SNAP25: variants seen among roughly 807,000 people sequenced by gnomAD.
SNAP25 encodes synaptosome associated protein 25.
A neutral mutation model predicts 28.7 loss-of-function variants in SNAP25; 3 were observed. That is an observed-to-expected ratio of 0.10 (90% CI 0.05 to 0.27). The LOEUF is 0.27. SNAP25 is among the 10% of genes least tolerant of loss of function. The probability of loss-of-function intolerance (pLI) is 1.00; values close to 1 mark genes in which losing one functional copy is unlikely to be tolerated. For synonymous variants in SNAP25, 61 were observed against 88.1 expected, an observed-to-expected ratio of 0.69 and a Z score of 1.72; for missense variants, 117 against 278.7, an observed-to-expected ratio of 0.42 and a Z score of 4.13.
chr20:10,264,595 G>A (rs2077910825), intron 1 of SNAP25, among the ~76,000 whole-genome samples: 1 of 152,216 alleles, frequency 6.6e-6, no homozygotes, highest in South Asian at 2.1e-4. Context: ...CACCACCTCA[G>A]ATCAAGATGG....
chr20:10,234,877 AATAAAATAAC>A (rs1288602139), intron 1 of SNAP25, among the ~76,000 whole-genome samples: 1 of 152,178 alleles, frequency 6.6e-6, no homozygotes, highest in Non-Finnish European at 1.5e-5. Context: ...TAATGTGTAA[AATAAAATAAC>A]ATAAAATAAA....
At chr20:10,290,581 C>T (rs2063974847) in intron 4 of SNAP25, among the ~76,000 whole-genome samples, 1 of 151,940 alleles carries the variant, frequency 6.6e-6, no homozygotes, top group African/African-American at 2.4e-5. Context: ...ATATATGTTA[C>T]CTCCTAATCT....
rs561465667 is a variant in SNAP25 at position 10,254,129 on chromosome 20, C to T, written c.-63-21300C>T. ...TTTGTTCCCTTTTACCAGCCCATTG[C>T]ATAGCTTCTGCATGTTTTGCTGCTA... On this transcript the variant is annotated intron_variant, in intron 1 of 7. Coordinates refer to ENST00000254976, the MANE Select transcript of SNAP25 (RefSeq NM_130811.4). 2.6e-5 allele frequency among the ~76,000 whole-genome samples: 4 copies of T among 152,362 alleles called. No homozygotes were observed. The South Asian group carries it at 8.3e-4, about 32-fold the overall frequency.
intron 1 of SNAP25, among the ~76,000 whole-genome samples, chr20:10,260,688 T>TACACACACACACACAC (rs36220354): frequency 6.7e-6 from 1 of 148,484 alleles, no homozygotes; most frequent in African/African-American, 2.5e-5. Context: ...TTAGACTCAC[T>TACACACACACACACAC]ACACACACAC....
At chr20:10,245,545 G>A (rs1371245510) in intron 1 of SNAP25, among the ~76,000 whole-genome samples, 1 of 152,188 alleles carries the variant, frequency 6.6e-6, no homozygotes, top group East Asian at 1.9e-4. Flanking sequence ...AAACTGGGGG[G>A]TCTAAAAAAA....
At chr20:10,274,945 C>T (rs2063662463) in intron 1 of SNAP25, among the ~76,000 whole-genome samples, 1 of 152,050 alleles carries the variant, frequency 6.6e-6, no homozygotes. Flanking sequence ...GGAGTAATGG[C>T]TATGTTCATT....
chr20:10,300,497 G>T (rs759893216), intron 7 of SNAP25, among the ~76,000 whole-genome samples: 5 of 152,118 alleles, frequency 3.3e-5, no homozygotes, highest in Admixed American at 6.5e-5. Context: ...GAAGTTCTTT[G>T]TCTGATATCC....
intron 1 of SNAP25, among the ~76,000 whole-genome samples, chr20:10,249,885 CT>C: frequency 6.6e-6 from 1 of 152,196 alleles, no homozygotes; most frequent in East Asian, 1.9e-4. Context: ...AGTGTTAGAC[CT>C]AAAGGTCTAC....
chr20:10,225,850 G>T (rs568296115), intron 1 of SNAP25, among the ~76,000 whole-genome samples: 2 of 151,170 alleles, frequency 1.3e-5, no homozygotes, highest in East Asian at 3.9e-4. Flanking sequence ...CTGTAACCTT[G>T]AATCAGTGGT....
intron 1 of SNAP25, among the ~76,000 whole-genome samples, chr20:10,264,821 A>T (rs998435720): frequency 6.6e-6 from 1 of 151,554 alleles, no homozygotes; most frequent in Non-Finnish European, 1.5e-5. Context: ...TGCTAGCCCG[A>T]CCTCCACAGA....
Position 10,302,513 on chromosome 20 carries a change from G to T in SNAP25, c.552+3101G>T, listed in dbSNP as rs538363574. On this transcript the variant is annotated intron_variant, in intron 7 of 7. Coordinates refer to ENST00000254976, the MANE Select transcript of SNAP25 (RefSeq NM_130811.4). ...TTCTAAAAGTCACCTGGCATGGTCTGAAGTTGAAGAGATTCCCGGAGCGTT... is the reference window on the plus strand; with the variant it reads ...TTCTAAAAGTCACCTGGCATGGTCTTAAGTTGAAGAGATTCCCGGAGCGTT... Among the ~76,000 whole-genome samples the T allele has an allele frequency of 2.6e-5, 4 of 152,312 alleles. No homozygotes were observed. In the East Asian group the frequency reaches 7.7e-4, roughly 29 times the overall value.
intron 1 of SNAP25, among the ~76,000 whole-genome samples, chr20:10,268,521 T>G (rs1444271174): frequency 6.6e-6 from 1 of 152,194 alleles, no homozygotes; most frequent in Non-Finnish European, 1.5e-5. Context: ...TAATGACCCA[T>G]GTCCCCAGCA....
chr20:10,255,645 AGGCAAAT>A (rs1333070398), intron 1 of SNAP25, among the ~76,000 whole-genome samples: 2 of 152,240 alleles, frequency 1.3e-5, no homozygotes, highest in African/African-American at 4.8e-5. Context: ...AAATATTAGT[AGGCAAAT>A]CTACCTTTTC....
intron 1 of SNAP25, among the ~76,000 whole-genome samples, chr20:10,227,315 A>G (rs956604639): frequency 2.0e-5 from 3 of 152,078 alleles, no homozygotes; most frequent in Non-Finnish European, 4.4e-5. Context: ...AGCAAGGGTA[A>G]TATCTTAGCT....
chr20:10,293,149 G>A lies in SNAP25; in HGVS notation c.164-12G>A, dbSNP rs773289723. 6.2e-7 allele frequency: 1 copy of A among 1,605,254 alleles called. No individual in the cohort carries two copies. Among genetic ancestry groups the A allele is most frequent in the Non-Finnish European group, 8.5e-7 (1 of 1,173,766 alleles). Reference sequence around the variant, plus strand: ...TTCATTCTGTGGGGATAAAATACTTGTGTTTAATCAGAACAACTGGAACGC... The same window carrying A: ...TTCATTCTGTGGGGATAAAATACTTATGTTTAATCAGAACAACTGGAACGC... On this transcript the variant is annotated splice_polypyrimidine_tract_variant and intron_variant, in intron 4 of 7. Transcript: ENST00000254976. The surrounding 1 kb of genome is among the most constrained non-coding windows in gnomAD (Gnocchi z 5.6).
intron 2 of SNAP25, 54 bp downstream of exon 2, chr20:10,275,617 G>A (rs1032556437): frequency 6.9e-7 from 1 of 1,444,730 alleles, no homozygotes; most frequent in African/African-American, 1.4e-5. Context: ...TGAGTGGTTT[G>A]TCTTATTCAG....
intron 1 of SNAP25, among the ~76,000 whole-genome samples, chr20:10,223,822 A>G (rs1401085649): frequency 6.6e-6 from 1 of 152,190 alleles, no homozygotes; most frequent in African/African-American, 2.4e-5. Context: ...CAAGCACTTC[A>G]CCCAATATGA....
At chr20:10,268,756 G>T (rs537201415) in intron 1 of SNAP25, among the ~76,000 whole-genome samples, 1 of 152,308 alleles carries the variant, frequency 6.6e-6, no homozygotes, top group Non-Finnish European at 1.5e-5. Flanking sequence ...ATAGACTTAA[G>T]TGTAGCATTA....
intron 1 of SNAP25, among the ~76,000 whole-genome samples, chr20:10,265,789 C>G (rs534715312): frequency 6.6e-6 from 1 of 152,262 alleles, no homozygotes; most frequent in East Asian, 1.9e-4. Context: ...GGAACTCCAC[C>G]TCTCACACCT....
Sources: gnomAD v4.1 joint callset for allele counts (sites outside exome capture counted in the v4.1 genomes callset) on GRCh38, gnomAD v4.1.1 for gene constraint, Gnocchi (gnomAD v3.1) non-coding constraint, MANE v1.5 for transcripts, NCBI Gene and HGNC (gene_info 2026-07-23, HGNC 2026-07-21) for gene names.